The following FMN2 variants were observed in gnomAD, a reference collection of about 807,000 sequenced individuals.
FMN2 encodes formin-2.
In FMN2, 51 loss-of-function variants were observed where a neutral mutation model predicts 142.3. The observed-to-expected ratio is 0.36, with a 90% CI of 0.29 to 0.45. FMN2 has a LOEUF of 0.45. Among genes scored for constraint, FMN2 ranks in the 20% least tolerant of loss-of-function variants. FMN2 has a pLI of 1.00. For synonymous variants in FMN2, 882 were observed against 869.8 expected (o/e 1.01, Z -0.25); for missense variants, 1,936 against 2,122.8 (o/e 0.91, Z 1.73).
intron 4 of FMN2, among the ~76,000 whole-genome samples, chr1:240,193,182 A>C (rs1306816864): frequency 6.6e-6 from 1 of 152,198 alleles, no homozygotes; most frequent in African/African-American, 2.4e-5. Context: ...CAGTCCAAGC[A>C]GCTAATCCAA....
intron 2 of FMN2, among the ~76,000 whole-genome samples, chr1:240,148,791 T>C (rs1663631793): frequency 6.6e-6 from 1 of 151,972 alleles, no homozygotes; most frequent in Non-Finnish European, 1.5e-5. Flanking sequence ...CCATCCTGGC[T>C]AACATGGTGA....
intron 15 of FMN2, among the ~76,000 whole-genome samples, chr1:240,431,641 A>G (rs759992529): frequency 1.3e-4 from 19 of 151,126 alleles, no homozygotes; most frequent in Non-Finnish European, 2.1e-4. Context: ...GTTTACTTCT[A>G]GGATTAGCCT....
chr1:240,245,709 T>C (rs1668058356), intron 6 of FMN2: 1 of 435,264 alleles, frequency 2.3e-6, no homozygotes, highest in Non-Finnish European at 4.7e-6. Flanking sequence ...TAATTTTATC[T>C]TTCTCATGGA....
intron 13 of FMN2, among the ~76,000 whole-genome samples, chr1:240,336,057 C>T (rs1173785193): frequency 6.6e-6 from 1 of 152,118 alleles, no homozygotes. Flanking sequence ...GCAGGAGAAT[C>T]ACTTGAACCT....
intron 14 of FMN2, among the ~76,000 whole-genome samples, chr1:240,358,314 A>G (rs899960741): frequency 6.6e-6 from 1 of 152,166 alleles, no homozygotes; most frequent in Non-Finnish European, 1.5e-5. Flanking sequence ...AATTTTTTGG[A>G]AAAAAACCTA....
intron 16 of FMN2, chr1:240,459,011 ACTC>A (rs1676348545): frequency 6.6e-6 from 1 of 151,868 alleles, no homozygotes; most frequent in South Asian, 2.1e-4. Flanking sequence ...AAAAAACCAA[ACTC>A]TTTTTTTTCT....
At chr1:240,391,183 G>C (rs556961026) in intron 14 of FMN2, among the ~76,000 whole-genome samples, 1 of 152,050 alleles carries the variant, frequency 6.6e-6, no homozygotes, top group Non-Finnish European at 1.5e-5. Context: ...CATACAAAAA[G>C]GGAAAGAAAA....
intron 1 of FMN2, among the ~76,000 whole-genome samples, chr1:240,102,500 C>A (rs1326221719): frequency 1.3e-5 from 2 of 152,084 alleles, no homozygotes; most frequent in East Asian, 3.9e-4. Flanking sequence ...TAGACCAATA[C>A]TTGCCTGTTT....
chr1:240,140,166 T>C (rs1165050265), intron 2 of FMN2, among the ~76,000 whole-genome samples: 1 of 152,164 alleles, frequency 6.6e-6, no homozygotes, highest in Non-Finnish European at 1.5e-5. Context: ...CCCATTCCAG[T>C]GTGTAACCAG....
intron 6 of FMN2, among the ~76,000 whole-genome samples, chr1:240,228,195 C>T (rs1170805113): frequency 2.0e-5 from 3 of 148,734 alleles, no homozygotes; most frequent in South Asian, 2.2e-4. Flanking sequence ...CCCAGCTACT[C>T]GGGAGTCTGA....
intron 6 of FMN2, among the ~76,000 whole-genome samples, chr1:240,233,480 A>G (rs1352813090): frequency 6.6e-6 from 1 of 152,104 alleles, no homozygotes; most frequent in African/African-American, 2.4e-5. Context: ...TGCTAAGACT[A>G]TTCTACTGAG....
chr1:240,309,844 G>T (rs1670543197), intron 8 of FMN2, among the ~76,000 whole-genome samples: 1 of 152,154 alleles, frequency 6.6e-6, no homozygotes, highest in Non-Finnish European at 1.5e-5. Context: ...GGTAGGGAGG[G>T]TTGAGGTTTT....
chr1:240,402,333 G>A (rs1368192624), intron 15 of FMN2, among the ~76,000 whole-genome samples: 2 of 152,174 alleles, frequency 1.3e-5, no homozygotes, highest in Admixed American at 6.5e-5. Context: ...GTTTATTCAT[G>A]CATTTTTGCT....
At position 240,092,546 on chromosome 1, in the gene FMN2, G is replaced by A. The variant is rs138394305; in HGVS notation, c.437G>A (p.Gly146Asp). The part of the protein sequence containing the change: ...ADPFEVTGPG[G>D]PGPAEARVGG... The stretch of plus-strand genomic sequence containing the variant: ...CCTTTTGAGGTGACCGGTCCAGGGG[G>A]TCCTGGGCCTGCCGAGGCTAGGGTC... Residue 146 changes from glycine to aspartate, a missense_variant, in exon 1 of 18, where the codon GGT (glycine) becomes GAT (aspartate). By Grantham distance (94) the Gly-to-Asp change is moderately conservative. Coordinates refer to ENST00000319653, the MANE Select transcript of FMN2 (RefSeq NM_020066.5). 2.5e-6 allele frequency: 4 copies of A among 1,612,418 alleles called. No individual in the cohort carries two copies. Among genetic ancestry groups the A allele is most frequent in the South Asian group, 1.1e-5 (1 of 90,902 alleles).
At chr1:240,382,876 A>G (rs1444313382) in intron 14 of FMN2, among the ~76,000 whole-genome samples, 1 of 152,218 alleles carries the variant, frequency 6.6e-6, no homozygotes, top group East Asian at 1.9e-4. Flanking sequence ...ACAAGACTAT[A>G]GTAACCCAAA....
chr1:240,297,576 C>G (rs1022795439), intron 8 of FMN2, among the ~76,000 whole-genome samples: 14 of 114,774 alleles, frequency 1.2e-4, no homozygotes, highest in Non-Finnish European at 2.0e-4. Context: ...AGCCTGGTGA[C>G]AGAGTGAGAC....
At chr1:240,383,283 C>T (rs779845023) in intron 14 of FMN2, among the ~76,000 whole-genome samples, 7 of 152,054 alleles carry the variant, frequency 4.6e-5, no homozygotes, top group East Asian at 1.9e-4. Flanking sequence ...TAAATGAAAA[C>T]GCTTCTGCAC....
In FMN2 at chr1:240,474,738, A is replaced by G. The variant is rs190173841; in HGVS notation, c.*584A>G. 153 of 152,584 alleles carry G rather than the reference A, an allele frequency of 1.0e-3. 3 individuals are homozygous for G. Among genetic ancestry groups the G allele is most frequent in the Non-Finnish European group, 2.9e-4 (20 of 68,000 alleles). The allele number at this position is 152,584 out of a possible 1,614,324, so 9.5% of individuals were successfully genotyped here. A position where few individuals can be genotyped will look rare whatever the true frequency, so the allele number is the denominator to read the frequency against. On this transcript the variant is annotated 3_prime_UTR_variant, in exon 18 of 18. Transcript: ENST00000319653. Reference sequence around the variant, plus strand: ...TCATTTTTTTTACTGAAGTCATATAATGACTTGGGTCAGCTCGTAATGCAT... The same window carrying G: ...TCATTTTTTTTACTGAAGTCATATAGTGACTTGGGTCAGCTCGTAATGCAT...
At chr1:240,338,131 C>A (rs1490340254) in intron 13 of FMN2, among the ~76,000 whole-genome samples, 2 of 152,170 alleles carry the variant, frequency 1.3e-5, no homozygotes, top group Non-Finnish European at 2.9e-5. Context: ...CATGCAAATT[C>A]TTCTCTGTAT....
Sources: gnomAD v4.1 joint callset for allele counts (sites outside exome capture counted in the v4.1 genomes callset) on GRCh38, gnomAD v4.1.1 for gene constraint, MANE v1.5 for transcripts, NCBI Gene and HGNC (gene_info 2026-07-23, HGNC 2026-07-21) for gene names.